Variants in SGCD observed in about 807,000 individuals in gnomAD.
The protein encoded by SGCD is sarcoglycan delta.
SGCD carries 18 observed loss-of-function variants against 36.6 expected under a neutral mutation model. The ratio of observed to expected loss-of-function variants is 0.49; its 90% CI spans 0.34 to 0.73. SGCD has a LOEUF of 0.73. SGCD is among the 30% of genes least tolerant of loss of function. The pLI is 0.01. For synonymous variants in SGCD, 133 were observed against 130.6 expected, an observed-to-expected ratio of 1.02 and a Z score of -0.12; for missense variants, 387 against 346.7, an observed-to-expected ratio of 1.12 and a Z score of -0.92.
chr5:156,649,694 C>T (rs1189247952), intron 7 of SGCD, among the ~76,000 whole-genome samples: 1 of 146,828 alleles, frequency 6.8e-6, no homozygotes, highest in Non-Finnish European at 1.5e-5. Flanking sequence ...GGGAACATCA[C>T]ACACGGGGGC....
At chr5:156,482,813 GTTTTTTTTTTTTT>G (rs3074979) in intron 3 of SGCD, among the ~76,000 whole-genome samples, 4 of 83,380 alleles carry the variant, frequency 4.8e-5, no homozygotes, top group Admixed American at 1.7e-4. Context: ...CTTTTGGTCA[GTTTTTTTTTTTTT>G]TTTTTTTTTT....
At chr5:155,911,638 A>G (rs963379310) in intron 1 of SGCD, among the ~76,000 whole-genome samples, 8 of 152,084 alleles carry the variant, frequency 5.3e-5, no homozygotes, top group African/African-American at 1.9e-4. Flanking sequence ...TGGCTCTGAT[A>G]TCCTCTTCTT....
the SGCD span, among the ~76,000 whole-genome samples, chr5:155,737,060 C>T: frequency 3.4e-3 from 519 of 152,324 alleles, 1 homozygote; most frequent in African/African-American, 0.012. Flanking sequence ...TTAACTTGCA[C>T]CTGATCCTCA....
intron 6 of SGCD, among the ~76,000 whole-genome samples, chr5:156,611,247 T>A (rs916105318): frequency 3.3e-5 from 5 of 152,240 alleles, no homozygotes; most frequent in African/African-American, 1.2e-4. Flanking sequence ...TCATGATAGT[T>A]GTTATTGTTC....
At chr5:156,683,020 A>G (rs1753779104) in intron 7 of SGCD, among the ~76,000 whole-genome samples, 1 of 152,240 alleles carries the variant, frequency 6.6e-6, no homozygotes. Flanking sequence ...ATTACAGTGA[A>G]ACAGGTAAGT....
At chr5:155,970,883 T>C (rs529127799) in intron 1 of SGCD, among the ~76,000 whole-genome samples, 1 of 152,222 alleles carries the variant, frequency 6.6e-6, no homozygotes, top group South Asian at 2.1e-4. Context: ...CCAAACAGGA[T>C]TTTATTTTTC....
chr5:156,412,678 C>T (rs1248638032), intron 3 of SGCD, among the ~76,000 whole-genome samples: 1 of 152,036 alleles, frequency 6.6e-6, no homozygotes, highest in African/African-American at 2.4e-5. Context: ...AAAGAAATTG[C>T]TTACTCTAAT....
chr5:155,873,346 A>C (rs947388135), intron 1 of SGCD, among the ~76,000 whole-genome samples: 1 of 152,206 alleles, frequency 6.6e-6, no homozygotes, highest in Non-Finnish European at 1.5e-5. Context: ...AAGTGGAATA[A>C]CTCAGGAACA....
chr5:156,104,828 C>T (rs939562273), intron 1 of SGCD, among the ~76,000 whole-genome samples: 3 of 152,164 alleles, frequency 2.0e-5, no homozygotes, highest in Non-Finnish European at 4.4e-5. Context: ...AACCTTGGTT[C>T]CTTCATCTTT....
At chr5:156,736,601 C>A (rs1167028771) in intron 7 of SGCD, among the ~76,000 whole-genome samples, 1 of 152,106 alleles carries the variant, frequency 6.6e-6, no homozygotes, top group African/African-American at 2.4e-5. Flanking sequence ...AAGAAGGCTA[C>A]TTTGAAGCCA....
chr5:156,643,725 A>G (rs1763126729), intron 6 of SGCD, among the ~76,000 whole-genome samples: 1 of 152,138 alleles, frequency 6.6e-6, no homozygotes, highest in South Asian at 2.1e-4. Flanking sequence ...TCTTATCACC[A>G]TTCTCTAGAT....
intron 1 of SGCD, among the ~76,000 whole-genome samples, chr5:155,872,646 C>CTGTT (rs1755679261): frequency 6.6e-6 from 1 of 152,108 alleles, no homozygotes; most frequent in South Asian, 2.1e-4. Flanking sequence ...GGCTATCCTC[C>CTGTT]TGTTTGCCCT....
intron 3 of SGCD, among the ~76,000 whole-genome samples, chr5:156,272,852 T>G (rs962680784): frequency 2.6e-5 from 4 of 152,180 alleles, no homozygotes; most frequent in Admixed American, 2.6e-4. Context: ...AAAAAACACA[T>G]CGCCACACTC....
chr5:156,369,014 C>T (rs564470299), intron 3 of SGCD, among the ~76,000 whole-genome samples: 241 of 152,324 alleles, frequency 1.6e-3, no homozygotes, highest in African/African-American at 5.7e-3. Flanking sequence ...GCTCTATATG[C>T]TTGAAGGCAG....
At chr5:155,841,398 T>A in the SGCD span, among the ~76,000 whole-genome samples, 584 of 152,338 alleles carry the variant, frequency 3.8e-3, 5 homozygotes, top group African/African-American at 0.013. Flanking sequence ...AACAACCTTC[T>A]CAAACTTTTG....
chr5:156,503,791 T>TAGTGTAC (rs1756562318), intron 3 of SGCD, among the ~76,000 whole-genome samples: 1 of 152,208 alleles, frequency 6.6e-6, no homozygotes, highest in Admixed American at 6.5e-5. Flanking sequence ...ACATGAGGTA[T>TAGTGTAC]AGTGTACATT....
intron 7 of SGCD, among the ~76,000 whole-genome samples, chr5:156,650,353 A>C (rs573144298): frequency 6.6e-6 from 1 of 152,230 alleles, no homozygotes; most frequent in South Asian, 2.1e-4. Flanking sequence ...TTCAACTTTC[A>C]TTTTAGATTC....
intron 4 of SGCD, among the ~76,000 whole-genome samples, chr5:156,509,408 G>C (rs556571800): frequency 1.4e-4 from 21 of 152,266 alleles, no homozygotes; most frequent in African/African-American, 5.1e-4. Flanking sequence ...CTGGGCAACA[G>C]AGCAAGGCTC....
At chr5:156,747,267 G>T (rs899181539) in intron 7 of SGCD, among the ~76,000 whole-genome samples, 4 of 152,272 alleles carry the variant, frequency 2.6e-5, no homozygotes, top group South Asian at 4.1e-4. Context: ...ATTTCTAATT[G>T]TATTATTAAT....
Sources: gnomAD v4.1 joint callset for allele counts (sites outside exome capture counted in the v4.1 genomes callset) on GRCh38, gnomAD v4.1.1 for gene constraint, MANE v1.5 for transcripts, NCBI Gene and HGNC (gene_info 2026-07-23, HGNC 2026-07-21) for gene names.